LRRC27: variants seen among roughly 807,000 people sequenced by gnomAD.
The protein encoded by LRRC27 is leucine-rich repeat-containing protein 27.
A neutral mutation model predicts 55.0 loss-of-function variants in LRRC27; 57 were observed. The observed-to-expected ratio is 1.04, with a 90% CI of 0.84 to 1.29. The LOEUF (loss-of-function observed/expected upper bound fraction) is 1.29, where lower values mean the gene tolerates loss of function less well. LRRC27 is among the 50% of genes most tolerant of loss of function. The probability of loss-of-function intolerance (pLI) is 0.00; values close to 1 mark genes in which losing one functional copy is unlikely to be tolerated. For missense variants in LRRC27, 721 were observed against 651.5 expected (o/e 1.11, Z -1.16); for synonymous variants, 278 against 251.9 (o/e 1.10, Z -0.98).
intron 8 of LRRC27, among the ~76,000 whole-genome samples, chr10:132,358,780 G>A (rs1466679039): frequency 1.0e-4 from 7 of 66,696 alleles, no homozygotes; most frequent in African/African-American, 3.8e-4. Flanking sequence ...GGGAGGAGCC[G>A]AGGTGGTGGA....
At chr10:132,346,213 A>G (rs987142103) in intron 5 of LRRC27, among the ~76,000 whole-genome samples, 17 of 152,216 alleles carry the variant, frequency 1.1e-4, no homozygotes, top group South Asian at 2.1e-4. Flanking sequence ...GGGTCCATCA[A>G]CTTCTCAGCG....
chr10:132,353,054 G>A (rs2068138115), intron 7 of LRRC27: 1 of 1,552,052 alleles, frequency 6.4e-7, no homozygotes, highest in Admixed American at 1.9e-5. Context: ...TGACCACCTG[G>A]CTTCACCCCT....
chr10:132,353,382 A>C, intron 7 of LRRC27: 4 of 1,038,036 alleles, frequency 3.9e-6, no homozygotes, highest in African/African-American at 1.7e-5. Context: ...ACATGAATAA[A>C]CCCTCCTGAA....
At chr10:132,341,829 C>G (rs576988915) in intron 3 of LRRC27, among the ~76,000 whole-genome samples, 1 of 152,306 alleles carries the variant, frequency 6.6e-6, no homozygotes, top group African/African-American at 2.4e-5. Context: ...GGTGTGAAAG[C>G]CTAAAATAGA....
At chr10:132,346,430 A>G (rs963747063) in intron 5 of LRRC27, among the ~76,000 whole-genome samples, 1 of 152,202 alleles carries the variant, frequency 6.6e-6, no homozygotes, top group African/African-American at 2.4e-5. Context: ...TGATCCCAGC[A>G]CTTTGGGAGG....
intron 5 of LRRC27, among the ~76,000 whole-genome samples, chr10:132,345,551 C>T (rs1172834400): frequency 6.6e-6 from 1 of 152,208 alleles, no homozygotes; most frequent in Non-Finnish European, 1.5e-5. Flanking sequence ...GCGCTGAAGC[C>T]GCCTGGCTGT....
rs534771017 is a variant in LRRC27 at position 132,380,602 on chromosome 10, T to C, written c.*5360T>C. On this transcript the variant is annotated 3_prime_UTR_variant, in exon 11 of 11. Transcript: ENST00000368614. The stretch of plus-strand genomic sequence containing the variant: ...TGAGCCCAGGAGGTCGAGGCTGCAG[T>C]GAGCTGTGATTGCACCACTGCACTC... Among the ~76,000 whole-genome samples, 1 of 152,218 alleles carries C rather than the reference T, an allele frequency of 6.6e-6. No homozygotes were observed. Among genetic ancestry groups the C allele is most frequent in the East Asian group, 1.9e-4 (1 of 5,180 alleles).
rs1318238433 is a variant in LRRC27 at position 132,380,492 on chromosome 10, G to A, written c.*5250G>A. Among the ~76,000 whole-genome samples, 7 of 151,600 alleles carry A rather than the reference G, an allele frequency of 4.6e-5. No individual in the cohort carries two copies. Among genetic ancestry groups the A allele is most frequent in the Middle Eastern group, 3.2e-3 (1 of 310 alleles). ...ATGTCTTCAGTACATTGTGTATCAC[G>A]GTAAAAAGTGATCTGTTTTAACTGG... On this transcript the variant is annotated 3_prime_UTR_variant, in exon 11 of 11. Coordinates refer to ENST00000368614, the MANE Select transcript of LRRC27 (RefSeq NM_030626.3).
At chr10:132,370,422 G>T (rs1296354588) in intron 10 of LRRC27, among the ~76,000 whole-genome samples, 1 of 152,210 alleles carries the variant, frequency 6.6e-6, no homozygotes, top group Non-Finnish European at 1.5e-5. Flanking sequence ...TGCCCATGAG[G>T]TGGGTCCCTT....
chr10:132,364,843 C>CTCACACCCACGCTTACATCTA (rs1564855237), intron 9 of LRRC27, among the ~76,000 whole-genome samples: 2 of 115,374 alleles, frequency 1.7e-5, no homozygotes, highest in African/African-American at 5.8e-5. Context: ...CACGCCCACA[C>CTCACACCCACGCTTACATCTA]CCTGGGGCCC....
chr10:132,342,258 A>G lies in LRRC27; in HGVS notation c.387A>G (p.Leu129=). ...TAGAAAGAAATCCTATCAAAATGTT[A>G]CCTGTGGAGCTGGGTAAGTATAAAA... ...LLLERNPIKM[L]PVELGSVTTL... The change falls in exon 4 of 11, where the codon TTA becomes TTG. Residue 129 remains leucine (L), a synonymous_variant. Coordinates refer to ENST00000368614, the MANE Select transcript of LRRC27 (RefSeq NM_030626.3). 2 of 1,553,260 alleles carry G rather than the reference A, an allele frequency of 1.3e-6. No individual in the cohort carries two copies. The highest frequency in any genetic ancestry group is 1.7e-6 in the Non-Finnish European group (2 of 1,146,924).
At chr10:132,354,164 C>T (rs1056848994) in intron 7 of LRRC27, among the ~76,000 whole-genome samples, 3 of 152,212 alleles carry the variant, frequency 2.0e-5, no homozygotes, top group African/African-American at 7.2e-5. Flanking sequence ...ACTCTTACCC[C>T]CAGACAACAG....
rs138179835 is a variant in LRRC27, at chr10:132,344,636, A to G, written c.539A>G (p.Asn180Ser). 1.4e-5 allele frequency: 23 copies of G among 1,613,768 alleles called. No individual in the cohort carries two copies. The highest frequency in any genetic ancestry group is 1.7e-6 in the Non-Finnish European group (2 of 1,179,806). Residue 180 changes from asparagine (N) to serine (S), a missense_variant, in exon 5 of 11, where the codon AAT becomes AGT. Transcript: ENST00000368614. ...MWAVEHSLPR[N>S]PTSQEAPPVR... is the part of the protein sequence containing the mutation. The stretch of plus-strand genomic sequence containing the variant: ...GCAGTAGAACACTCTCTCCCCAGAA[A>G]TCCAACTTCTCAAGGTTTGTAGGAG...
chr10:132,333,937 A>G (rs190866397), intron 2 of LRRC27, among the ~76,000 whole-genome samples: 1 of 152,374 alleles, frequency 6.6e-6, no homozygotes, highest in East Asian at 1.9e-4. Flanking sequence ...ACCAATGGAA[A>G]TAGTACATCT....
At chr10:132,339,264 C>T (rs1315430942) in intron 3 of LRRC27, among the ~76,000 whole-genome samples, 3 of 152,320 alleles carry the variant, frequency 2.0e-5, no homozygotes, top group Middle Eastern at 6.8e-3. Flanking sequence ...AGAATAGAGG[C>T]TTGTAGGAGG....
intron 8 of LRRC27, among the ~76,000 whole-genome samples, chr10:132,358,305 CGTGGGG>C (rs2133010919): frequency 1.4e-5 from 2 of 138,728 alleles, no homozygotes; most frequent in South Asian, 4.7e-4. Context: ...GGTGGTGGAG[CGTGGGG>C]AGGAGCCGAG....
rs112427246 is a variant in LRRC27 at position 132,374,985 on chromosome 10, G to A, written c.1417-81G>A. 76 of 1,441,584 alleles carry A rather than the reference G, an allele frequency of 5.3e-5. 2 individuals are homozygous for A. In the African/African-American group the frequency reaches 8.1e-4, roughly 15 times the overall value. The allele number at this position is 1,441,584 out of a possible 1,614,324, so 89.3% of individuals were successfully genotyped here. Reference sequence around the variant, plus strand: ...GACGCCCACATGGCCTGGGCCCCACGTGGAATCTGAGCCAGAGACGTGGTG... The same window carrying A: ...GACGCCCACATGGCCTGGGCCCCACATGGAATCTGAGCCAGAGACGTGGTG... On this transcript the variant is annotated intron_variant, in intron 10 of 10. Coordinates refer to ENST00000368614, the MANE Select transcript of LRRC27 (RefSeq NM_030626.3). This position sits in a 1 kb window ranked among gnomAD's most constrained non-coding sequence, Gnocchi z 4.4.
At chr10:132,331,006 G>T (rs1275323299), upstream of LRRC27, among the ~76,000 whole-genome samples, 3 of 150,946 alleles carry the variant, frequency 2.0e-5, no homozygotes, top group East Asian at 2.0e-4. Context: ...ATCGAGACCA[G>T]CCTGGCCAAC....
chr10:132,349,795 A>G (rs906216497), intron 6 of LRRC27, among the ~76,000 whole-genome samples: 1 of 152,088 alleles, frequency 6.6e-6, no homozygotes, highest in Non-Finnish European at 1.5e-5. Context: ...CCCCTGCCCC[A>G]TGGTTGGGTG....
Sources: allele counts gnomAD v4.1 joint callset (sites outside exome capture counted in the v4.1 genomes callset), GRCh38; gene constraint gnomAD v4.1.1; non-coding constraint Gnocchi (gnomAD v3.1); transcripts MANE v1.5; gene names NCBI Gene and HGNC (gene_info 2026-07-23, HGNC 2026-07-21).